CRHBP: variants seen among roughly 807,000 people sequenced by gnomAD.
CRHBP encodes corticotropin-releasing hormone-binding protein.
In CRHBP, 19 loss-of-function variants were observed where a neutral mutation model predicts 34.9. The observed-to-expected ratio is 0.55, with a 90% CI of 0.38 to 0.80. The LOEUF (loss-of-function observed/expected upper bound fraction) is 0.80, where lower values mean the gene tolerates loss of function less well. CRHBP is among the 30% of genes least tolerant of loss of function. The probability of loss-of-function intolerance (pLI) is 0.00; values close to 1 mark genes in which losing one functional copy is unlikely to be tolerated. For missense variants in CRHBP, 328 were observed against 409.2 expected (o/e 0.80, Z 1.71); for synonymous variants, 154 against 153.4 (o/e 1.00, Z -0.03).
At chr5:76,973,085 C>T (rs1745973230), downstream of CRHBP, among the ~76,000 whole-genome samples, 1 of 152,174 alleles carries the variant, frequency 6.6e-6, no homozygotes, top group East Asian at 1.9e-4. Context: ...ATTGACTATG[C>T]ATATCCACAT....
chr5:76,967,702 AT>A lies in CRHBP; in HGVS notation c.812-1012del, dbSNP rs753520164. Among the ~76,000 whole-genome samples the A allele has an allele frequency of 2.9e-3, 415 of 144,794 alleles. 2 individuals are homozygous for A. Among genetic ancestry groups the A allele is most frequent in the Middle Eastern group, 7.0e-3 (2 of 284 alleles). 95.0% of individuals were successfully genotyped at this position (144,794 alleles called of 152,430 possible). ...TTATATAAATAATGAATAAGATTGG[AT>A]TTTTTTTTTTTTTGAGATGGAGTCT... On this transcript the variant is annotated intron_variant, in intron 6 of 6. Coordinates refer to ENST00000274368, the MANE Select transcript of CRHBP (RefSeq NM_001882.4).
At chr5:76,978,714 T>C (rs1264464594) in intron 3 of CRHBP, among the ~76,000 whole-genome samples, 1 of 152,216 alleles carries the variant, frequency 6.6e-6, no homozygotes, top group Non-Finnish European at 1.5e-5. Flanking sequence ...GTTACTTCTT[T>C]TGAATGAGCA....
At chr5:76,960,354 G>A (rs2150706731) in intron 5 of CRHBP, among the ~76,000 whole-genome samples, 1 of 152,346 alleles carries the variant, frequency 6.6e-6, no homozygotes, top group South Asian at 2.1e-4. Flanking sequence ...GACATGGAAA[G>A]AAGAGGAGGA....
At chr5:76,979,420 G>A (rs1159379180) in intron 3 of CRHBP, among the ~76,000 whole-genome samples, 1 of 152,012 alleles carries the variant, frequency 6.6e-6, no homozygotes, top group Non-Finnish European at 1.5e-5. Context: ...GTGTGTTCTC[G>A]GCTCATTGCA....
chr5:76,954,250 G>A, intron 3 of CRHBP, 64 bp downstream of exon 3: 1 of 1,556,156 alleles, frequency 6.4e-7, no homozygotes, highest in Non-Finnish European at 8.7e-7. Context: ...AAAGGGCTGG[G>A]GCGCTGCACC....
intron 5 of CRHBP, among the ~76,000 whole-genome samples, chr5:76,962,900 G>A (rs150654305): frequency 2.1e-4 from 32 of 152,220 alleles, no homozygotes; most frequent in African/African-American, 7.5e-4. Flanking sequence ...AAGGAAAAAC[G>A]GATGTGAAAG....
chr5:76,968,720 C>A lies in CRHBP; in HGVS notation c.812-8C>A. On this transcript the variant is annotated splice_polypyrimidine_tract_variant and splice_region_variant and intron_variant, in intron 6 of 6. Transcript: ENST00000274368. The stretch of plus-strand genomic sequence containing the variant: ...CTGGGAAACTTTTATCTTTTCCATC[C>A]ATTATAGCCCAGATGAAAGTTGGCT... 1 of 1,594,828 alleles carries A rather than the reference C, an allele frequency of 6.3e-7. No homozygotes were observed. Among genetic ancestry groups the A allele is most frequent in the African/African-American group, 1.3e-5 (1 of 74,476 alleles).
chr5:76,969,643 G>T (rs2135078), downstream of CRHBP, among the ~76,000 whole-genome samples: 11 of 152,172 alleles, frequency 7.2e-5, no homozygotes, highest in African/African-American at 2.7e-4. Flanking sequence ...TAGAATTGCA[G>T]TGTTTGCACA....
At chr5:76,976,956 A>C (rs1411658970) in intron 3 of CRHBP, among the ~76,000 whole-genome samples, 1 of 152,128 alleles carries the variant, frequency 6.6e-6, no homozygotes, top group Non-Finnish European at 1.5e-5. Flanking sequence ...TGGTAGATCA[A>C]CTCTGCCATC....
chr5:76,972,816 A>G (rs1745965786), downstream of CRHBP, among the ~76,000 whole-genome samples: 1 of 152,210 alleles, frequency 6.6e-6, no homozygotes, highest in Non-Finnish European at 1.5e-5. Context: ...TAGGGCAGAA[A>G]TGCTATATGT....
intron 3 of CRHBP, chr5:76,976,562 G>A (rs971109970): frequency 3.3e-5 from 5 of 152,198 alleles, no homozygotes; most frequent in African/African-American, 1.2e-4. Flanking sequence ...ATGTCCTTGA[G>A]CAAGTTCCTG....
Position 76,958,814 on chromosome 5 carries a change from C to T in CRHBP, c.618C>T (p.Ser206=), listed in dbSNP as rs1291658727. The stretch of plus-strand genomic sequence containing the variant: ...TTCCACACCAGCATCGAAACTGCAG[C>T]TTCTCCATAATTTATCCTGTGGTGA... ...LVVPHQHRNC[S]FSIIYPVVIK... Residue 206 remains serine (S), a synonymous_variant, in exon 5 of 7, where the codon AGC becomes AGT. Coordinates refer to ENST00000274368, the MANE Select transcript of CRHBP (RefSeq NM_001882.4). 1.2e-6 allele frequency: 2 copies of T among 1,614,098 alleles called. No homozygotes were observed. The highest frequency in any genetic ancestry group is 1.7e-5 in the Admixed American group (1 of 60,016).
intron 5 of CRHBP, among the ~76,000 whole-genome samples, chr5:76,960,025 G>A (rs1433058468): frequency 1.3e-5 from 2 of 152,212 alleles, no homozygotes; most frequent in African/African-American, 4.8e-5. Flanking sequence ...GTAGATGCTG[G>A]AAATTAGCAA....
rs1651101 is a variant in CRHBP, at chr5:76,977,529, G to A, written n.467+1009G>A. On this transcript the variant is annotated intron_variant and non_coding_transcript_variant, in intron 3 of 3. Coordinates refer to the CRHBP transcript ENST00000514258. ...TACTATTGTAATTGTTGTTACTATT[G>A]TAATTGTTTTAGGGTGCCACAAACT... Among the ~76,000 whole-genome samples the A allele has an allele frequency of 9.1e-3, 1,380 of 152,264 alleles. 15 individuals carry two copies. Among genetic ancestry groups the A allele is most frequent in the Non-Finnish European group, 0.014 (969 of 68,028 alleles).
Position 76,968,784 on chromosome 5 carries a change from C to T in CRHBP, c.868C>T (p.His290Tyr). Residue 290 changes from histidine to tyrosine, a missense_variant, in exon 7 of 7, where the codon CAC becomes TAC. By Grantham distance (83) the His-to-Tyr change is moderately conservative (BLOSUM62 2). Around this residue, in one of 3 missense-constraint regions of CRHBP, gnomAD observed 144 missense variants for 216.7 expected, o/e 0.66. Transcript: ENST00000274368. ...TVVRMVSSGK[H>Y]VNRVTFEYRQ... The stretch of plus-strand genomic sequence containing the variant: ...GGTGCGCATGGTCTCCAGTGGAAAA[C>T]ACGTAAATCGTGTGACTTTTGAGTA... 6.2e-7 allele frequency: 1 copy of T among 1,614,158 alleles called. No individual in the cohort carries two copies. The highest frequency in any genetic ancestry group is 8.5e-7 in the Non-Finnish European group (1 of 1,180,004).
At chr5:76,973,864 C>T (rs556880629), downstream of CRHBP, among the ~76,000 whole-genome samples, 19 of 152,006 alleles carry the variant, frequency 1.2e-4, no homozygotes, top group African/African-American at 4.3e-4. Context: ...GAGTGTAGGG[C>T]GCGATCTCAG....
chr5:76,954,301 T>C, intron 3 of CRHBP, 115 bp downstream of exon 3: 23 of 1,264,816 alleles, frequency 1.8e-5, no homozygotes, highest in Non-Finnish European at 2.5e-5. Flanking sequence ...GTGGCACTTC[T>C]TAGACACTTC....
At chr5:76,963,135 G>T (rs1226503163) in intron 5 of CRHBP, 1 of 509,394 alleles carries the variant, frequency 2.0e-6, no homozygotes, top group Non-Finnish European at 3.5e-6. Flanking sequence ...TAAAAAAAAT[G>T]ATTACTCAAC....
chr5:76,956,080 A>G (rs576222851), intron 4 of CRHBP, among the ~76,000 whole-genome samples: 1 of 152,254 alleles, frequency 6.6e-6, no homozygotes, highest in Admixed American at 6.5e-5. Context: ...ATACTAATTT[A>G]TGAAGAGTAC....
Sources: gnomAD v4.1 joint callset for allele counts (sites outside exome capture counted in the v4.1 genomes callset) on GRCh38, gnomAD v4.1.1 for gene constraint, gnomAD v4.1.1 regional missense constraint, MANE v1.5 for transcripts, NCBI Gene and HGNC (gene_info 2026-07-23, HGNC 2026-07-21) for gene names.